NPAS3: variants seen among roughly 807,000 people sequenced by gnomAD.
The protein encoded by NPAS3 is neuronal PAS domain protein 3.
In NPAS3, 14 loss-of-function variants were observed where a neutral mutation model predicts 73.1. That is an observed-to-expected ratio of 0.19 (90% CI 0.13 to 0.30). The LOEUF is 0.30. Among genes scored for constraint, NPAS3 ranks in the 10% least tolerant of loss-of-function variants. The pLI is 1.00. For missense variants in NPAS3, 1,096 were observed against 1,250.0 expected (o/e 0.88, Z 1.86); for synonymous variants, 620 against 541.5 (o/e 1.14, Z -2.01).
intron 2 of NPAS3, among the ~76,000 whole-genome samples, chr14:33,059,168 A>G (rs1396787869): frequency 6.6e-6 from 1 of 152,200 alleles, no homozygotes; most frequent in Non-Finnish European, 1.5e-5. Flanking sequence ...ATGTACCAGC[A>G]TGTCATTGCT....
chr14:33,114,991 A>G (rs1393524690), intron 2 of NPAS3, among the ~76,000 whole-genome samples: 1 of 152,186 alleles, frequency 6.6e-6, no homozygotes, highest in East Asian at 1.9e-4. Context: ...CATGACCACA[A>G]CAAACCAAGT....
chr14:33,790,386 T>C (rs1422815103), intron 9 of NPAS3, among the ~76,000 whole-genome samples: 1 of 152,250 alleles, frequency 6.6e-6, no homozygotes, highest in Non-Finnish European at 1.5e-5. Flanking sequence ...AAGTTTTTTC[T>C]GTGTTTTTCA....
chr14:33,521,388 G>A (rs141336628), intron 4 of NPAS3, among the ~76,000 whole-genome samples: 1 of 152,058 alleles, frequency 6.6e-6, no homozygotes, highest in East Asian at 1.9e-4. Context: ...GCATGATATG[G>A]CTGAATATGT....
At chr14:33,181,332 A>C (rs1053772189) in intron 2 of NPAS3, among the ~76,000 whole-genome samples, 1 of 152,238 alleles carries the variant, frequency 6.6e-6, no homozygotes, top group Non-Finnish European at 1.5e-5. Flanking sequence ...GAAATCTTCC[A>C]TAATAAGAAT....
intron 5 of NPAS3, among the ~76,000 whole-genome samples, chr14:33,598,683 T>A (rs561656330): frequency 6.6e-6 from 1 of 152,310 alleles, no homozygotes; most frequent in East Asian, 1.9e-4. Flanking sequence ...CTACATACGT[T>A]TGGGTTTGGG....
chr14:33,096,252 T>C (rs112901970), intron 2 of NPAS3, among the ~76,000 whole-genome samples: 4 of 152,254 alleles, frequency 2.6e-5, no homozygotes, highest in African/African-American at 9.6e-5. Flanking sequence ...TCTGCCCCCT[T>C]TCTGCCATTG....
intron 4 of NPAS3, among the ~76,000 whole-genome samples, chr14:33,447,757 T>C (rs111244188): frequency 6.6e-6 from 1 of 151,922 alleles, no homozygotes; most frequent in Non-Finnish European, 1.5e-5. Flanking sequence ...CTACAAAATA[T>C]AAAGAAAATT....
intron 3 of NPAS3, among the ~76,000 whole-genome samples, chr14:33,240,062 G>A (rs562191656): frequency 6.6e-6 from 1 of 151,914 alleles, no homozygotes; most frequent in East Asian, 1.9e-4. Context: ...GAGAAAATGT[G>A]CTTTACATCA....
At chr14:33,659,304 C>G (rs936211306) in intron 5 of NPAS3, among the ~76,000 whole-genome samples, 3 of 152,130 alleles carry the variant, frequency 2.0e-5, no homozygotes, top group African/African-American at 7.2e-5. Flanking sequence ...GTAACTTGCC[C>G]AAAGTGGGTA....
At chr14:33,747,217 A>G (rs2061833235) in intron 7 of NPAS3, among the ~76,000 whole-genome samples, 1 of 152,152 alleles carries the variant, frequency 6.6e-6, no homozygotes, top group African/African-American at 2.4e-5. Context: ...GACTGGATTA[A>G]GAAAATGTGG....
chr14:33,500,865 T>A (rs918591810), intron 4 of NPAS3, among the ~76,000 whole-genome samples: 7 of 152,094 alleles, frequency 4.6e-5, no homozygotes, highest in Non-Finnish European at 7.4e-5. Flanking sequence ...CAGTCCGTTG[T>A]AAGAGCTGGT....
chr14:33,026,439 A>G (rs917451520), intron 1 of NPAS3, among the ~76,000 whole-genome samples: 1 of 152,124 alleles, frequency 6.6e-6, no homozygotes, highest in Non-Finnish European at 1.5e-5. Context: ...TCCAGTAGCT[A>G]TTCAGTTAAC....
intron 1 of NPAS3, among the ~76,000 whole-genome samples, chr14:32,990,401 ACT>A (rs2038282412): frequency 6.6e-6 from 1 of 151,970 alleles, no homozygotes; most frequent in South Asian, 2.1e-4. Flanking sequence ...GGCACAAACA[ACT>A]CTTTTTGTGG....
chr14:33,123,422 TTA>T (rs2043306602), intron 2 of NPAS3, among the ~76,000 whole-genome samples: 1 of 152,108 alleles, frequency 6.6e-6, no homozygotes, highest in South Asian at 2.1e-4. Flanking sequence ...CACAGGATAA[TTA>T]TTTCAGCTGT....
At chr14:33,031,162 G>A (rs1241183166) in intron 1 of NPAS3, among the ~76,000 whole-genome samples, 1 of 152,138 alleles carries the variant, frequency 6.6e-6, no homozygotes, top group Non-Finnish European at 1.5e-5. Context: ...CAGCATTTCA[G>A]CAGCAGACTG....
At chr14:33,097,587 C>A (rs1056849605) in intron 2 of NPAS3, among the ~76,000 whole-genome samples, 1 of 152,132 alleles carries the variant, frequency 6.6e-6, no homozygotes, top group African/African-American at 2.4e-5. Context: ...ATATGATTAT[C>A]TTTTGTAGAT....
chr14:33,342,868 T>C (rs549222546), intron 3 of NPAS3, among the ~76,000 whole-genome samples: 1 of 152,308 alleles, frequency 6.6e-6, no homozygotes, highest in African/African-American at 2.4e-5. Flanking sequence ...GATAGTGATT[T>C]TAATATAGTA....
intron 4 of NPAS3, among the ~76,000 whole-genome samples, chr14:33,407,575 A>G (rs187112506): frequency 6.6e-6 from 1 of 152,322 alleles, no homozygotes; most frequent in East Asian, 1.9e-4. Flanking sequence ...GTAATAGAAT[A>G]GAAATGGAGA....
chr14:33,367,723 C>A (rs924713457), intron 4 of NPAS3, among the ~76,000 whole-genome samples: 1 of 151,266 alleles, frequency 6.6e-6, no homozygotes, highest in Non-Finnish European at 1.5e-5. Flanking sequence ...TGCTTCCAAT[C>A]TTAATGTTTG....
Sources: allele counts gnomAD v4.1 joint callset (sites outside exome capture counted in the v4.1 genomes callset), GRCh38; gene constraint gnomAD v4.1.1; transcripts MANE v1.5; gene names NCBI Gene and HGNC (gene_info 2026-07-23, HGNC 2026-07-21).